Variants in PLCB1 observed in about 807,000 individuals in gnomAD.
PLCB1 encodes 1-phosphatidylinositol 4,5-bisphosphate phosphodiesterase beta-1.
A neutral mutation model predicts 161.8 loss-of-function variants in PLCB1; 46 were observed. The ratio of observed to expected loss-of-function variants is 0.28; its 90% CI spans 0.22 to 0.36. The LOEUF (loss-of-function observed/expected upper bound fraction) is 0.36. PLCB1 is among the 10% of genes least tolerant of loss of function. The pLI is 1.00. For missense variants in PLCB1, 1,016 were observed against 1,472.5 expected, an observed-to-expected ratio of 0.69 and a Z score of 5.07; for synonymous variants, 517 against 503.7, an observed-to-expected ratio of 1.03 and a Z score of -0.35.
rs567767796 is a variant in PLCB1 at position 8,675,935 on chromosome 20, A to T, written c.863-8997A>T. Reference sequence around the variant, plus strand: ...TTTGTTTCCTCTGGAAGTGGGATTCAAGATAAGGCATAAAACAAAGAGGAG... The same window carrying T: ...TTTGTTTCCTCTGGAAGTGGGATTCTAGATAAGGCATAAAACAAAGAGGAG... On this transcript the variant is annotated intron_variant, in intron 9 of 31. Transcript: ENST00000338037. 9.2e-5 allele frequency among the ~76,000 whole-genome samples: 14 copies of T among 152,360 alleles called. No individual in the cohort carries two copies. The South Asian group carries it at 2.5e-3, about 27-fold the overall frequency.
chr20:8,646,057 CTG>C lies in PLCB1; in HGVS notation c.385-42_385-41del, dbSNP rs763985174. 1.1e-4 allele frequency: 130 copies of C among 1,216,512 alleles called. 2 individuals carry two copies. The South Asian group carries it at 1.5e-3, about 14-fold the overall frequency. 75.4% of individuals were successfully genotyped at this position (1,216,512 alleles called of 1,614,324 possible). On this transcript the variant is annotated intron_variant, in intron 4 of 31. Transcript: ENST00000338037. ...CAAGCTAAAAGCATGTGTCTAATGA[CTG>C]TGCAGTATTTAAGCTAATGCAAGTG...
chr20:8,440,260 T>TAA (rs1980498095), intron 3 of PLCB1, among the ~76,000 whole-genome samples: 1 of 152,330 alleles, frequency 6.6e-6, no homozygotes, highest in Non-Finnish European at 1.5e-5. Flanking sequence ...TCAGTATTAT[T>TAA]AAGTATTCTG....
intron 2 of PLCB1, among the ~76,000 whole-genome samples, chr20:8,205,369 G>T (rs189265923): frequency 1.3e-4 from 20 of 152,072 alleles, no homozygotes; most frequent in African/African-American, 4.8e-4. Context: ...CAAGCTTCTC[G>T]ATCCAGCTAC....
intron 2 of PLCB1, among the ~76,000 whole-genome samples, chr20:8,347,887 G>A (rs2122245696): frequency 6.6e-6 from 1 of 152,194 alleles, no homozygotes; most frequent in South Asian, 2.1e-4. Context: ...CAGGAGAATG[G>A]CATGAACCCG....
In PLCB1 at chr20:8,839,735, TA is replaced by T. The variant is rs71331333; in HGVS notation, c.3424-41870del. ...AGTCACATTATTTTTTAGTAATTCT[TA>T]AAAAAAAAAAAAAAAAGCCTTGGCC... On this transcript the variant is annotated intron_variant, in intron 31 of 31. Transcript: ENST00000338037. 3.0e-3 allele frequency among the ~76,000 whole-genome samples: 326 copies of T among 108,796 alleles called. 1 individual carries two copies. Among genetic ancestry groups the T allele is most frequent in the East Asian group, 0.013 (32 of 2,518 alleles). The allele number at this position is 108,796 out of a possible 152,430, so 71.4% of individuals were successfully genotyped here. A position where few individuals can be genotyped will look rare whatever the true frequency, so the allele number is the denominator to read the frequency against.
chr20:8,375,869 T>G (rs1987058160), intron 3 of PLCB1, among the ~76,000 whole-genome samples: 1 of 151,152 alleles, frequency 6.6e-6, no homozygotes, highest in South Asian at 2.1e-4. Flanking sequence ...ACCTTACAGA[T>G]TGTAAAACTG....
At position 8,628,493 on chromosome 20, in the gene PLCB1, T is replaced by G. The variant is rs1285162238; in HGVS notation, c.384+62T>G. 16 of 1,544,440 alleles carry G rather than the reference T, an allele frequency of 1.0e-5. No individual in the cohort carries two copies. The Middle Eastern group carries it at 1.4e-3, about 131-fold the overall frequency. On this transcript the variant is annotated intron_variant, in intron 4 of 31. Coordinates refer to ENST00000338037, the MANE Select transcript of PLCB1 (RefSeq NM_015192.4). ...GATCTGAATCCTTGAGCTATCATACTAATGCCTGCAAAAGACTGAATTTTT... is the reference window on the plus strand; with the variant it reads ...GATCTGAATCCTTGAGCTATCATACGAATGCCTGCAAAAGACTGAATTTTT...
chr20:8,441,671 G>A (rs936665522), intron 3 of PLCB1, among the ~76,000 whole-genome samples: 1 of 152,222 alleles, frequency 6.6e-6, no homozygotes, highest in African/African-American at 2.4e-5. Context: ...AGCAGTGACC[G>A]ACCATAACAG....
intron 31 of PLCB1, among the ~76,000 whole-genome samples, chr20:8,869,677 C>T (rs1468485444): frequency 6.6e-6 from 1 of 152,174 alleles, no homozygotes; most frequent in Non-Finnish European, 1.5e-5. Flanking sequence ...CACTGGCTTA[C>T]AATAATAAAC....
At chr20:8,155,699 C>A (rs2051551989) in intron 2 of PLCB1, among the ~76,000 whole-genome samples, 1 of 152,014 alleles carries the variant, frequency 6.6e-6, no homozygotes, top group Admixed American at 6.6e-5. Context: ...TAGGGTATCC[C>A]AAAATTGTCA....
intron 3 of PLCB1, among the ~76,000 whole-genome samples, chr20:8,506,286 G>A (rs1983635291): frequency 6.6e-6 from 1 of 152,152 alleles, no homozygotes; most frequent in Non-Finnish European, 1.5e-5. Context: ...TAACTCAATT[G>A]AACTTGCTAA....
At chr20:8,543,103 C>T (rs1398884209) in intron 3 of PLCB1, among the ~76,000 whole-genome samples, 1 of 152,192 alleles carries the variant, frequency 6.6e-6, no homozygotes, top group African/African-American at 2.4e-5. Flanking sequence ...TGCAGAATCT[C>T]AGGCCCCACC....
At chr20:8,878,813 G>A (rs1397242513) in intron 31 of PLCB1, among the ~76,000 whole-genome samples, 1 of 150,820 alleles carries the variant, frequency 6.6e-6, no homozygotes, top group African/African-American at 2.4e-5. Flanking sequence ...AGATTCAGAA[G>A]GTACATGTAC....
chr20:8,235,108 C>T (rs1259304731), intron 2 of PLCB1, among the ~76,000 whole-genome samples: 1 of 152,070 alleles, frequency 6.6e-6, no homozygotes, highest in Non-Finnish European at 1.5e-5. Flanking sequence ...TTGGACATTT[C>T]TGAATATATG....
chr20:8,395,369 A>T (rs984367882), intron 3 of PLCB1, among the ~76,000 whole-genome samples: 2 of 152,002 alleles, frequency 1.3e-5, no homozygotes, highest in African/African-American at 2.4e-5. Flanking sequence ...ACATATTATT[A>T]CTTATGGATA....
At chr20:8,518,939 C>T (rs1449480644) in intron 3 of PLCB1, among the ~76,000 whole-genome samples, 1 of 151,834 alleles carries the variant, frequency 6.6e-6, no homozygotes, top group East Asian at 1.9e-4. Flanking sequence ...TGCAAAGTTC[C>T]CAGTGGGGTT....
rs141216337 is a variant in PLCB1 at position 8,190,318 on chromosome 20, T to C, written c.177+39947T>C. On this transcript the variant is annotated intron_variant, in intron 2 of 31. Coordinates refer to ENST00000338037, the MANE Select transcript of PLCB1 (RefSeq NM_015192.4). ...CGGATAAGTAGTTTCTTAATATCTC[T>C]TTTTGTACTTGCTATTGAAAGTATT... 5.5e-3 allele frequency among the ~76,000 whole-genome samples: 837 copies of C among 152,242 alleles called. 8 individuals are homozygous for C. Among genetic ancestry groups the C allele is most frequent in the African/African-American group, 0.019 (795 of 41,550 alleles).
At chr20:8,657,101 AAAG>A (rs1989482647) in intron 7 of PLCB1, 80 bp from the exon 8 acceptor site, 2 of 787,476 alleles carry the variant, frequency 2.5e-6, no homozygotes, top group South Asian at 1.4e-5. Flanking sequence ...AAAGGAGAGA[AAAG>A]AAGACAGAGA....
chr20:8,238,636 A>G (rs1298059371), intron 2 of PLCB1, among the ~76,000 whole-genome samples: 1 of 151,974 alleles, frequency 6.6e-6, no homozygotes, highest in Admixed American at 6.6e-5. Flanking sequence ...TAACATATGC[A>G]GGATGAAAGG....
Sources: allele counts gnomAD v4.1 joint callset (sites outside exome capture counted in the v4.1 genomes callset), GRCh38; gene constraint gnomAD v4.1.1; transcripts MANE v1.5; gene names NCBI Gene and HGNC (gene_info 2026-07-23, HGNC 2026-07-21).